Variants in ANKRD45 observed in about 807,000 individuals in gnomAD.
ANKRD45 encodes ankyrin repeat domain 45.
Under a neutral mutation model 28.1 loss-of-function variants are expected in ANKRD45, and 21 were observed. The observed-to-expected ratio is 0.75, with a 90% CI of 0.53 to 1.08. The LOEUF is 1.08. ANKRD45 is among the 50% of genes least tolerant of loss of function. ANKRD45 has a pLI of 0.00. For missense variants in ANKRD45, 261 were observed against 308.7 expected, an observed-to-expected ratio of 0.85 and a Z score of 1.16; for synonymous variants, 86 against 103.9, an observed-to-expected ratio of 0.83 and a Z score of 1.05.
chr1:173,697,279 G>A, the ANKRD45 span, among the ~76,000 whole-genome samples: 2 of 152,146 alleles, frequency 1.3e-5, no homozygotes, highest in Admixed American at 6.5e-5. Flanking sequence ...AACCTAGCAA[G>A]GCAGGCCAAC....
chr1:173,623,310 G>GAA (rs1219913580), intron 5 of ANKRD45, among the ~76,000 whole-genome samples: 3 of 110,406 alleles, frequency 2.7e-5, no homozygotes, highest in Non-Finnish European at 3.8e-5. Flanking sequence ...ACTCCGCCTC[G>GAA]AAAAAAAAAA....
the ANKRD45 span, among the ~76,000 whole-genome samples, chr1:173,700,618 T>C: frequency 6.6e-6 from 1 of 152,214 alleles, no homozygotes; most frequent in South Asian, 2.1e-4. Flanking sequence ...TGGCTAGCCA[T>C]ATGTAGAAAC....
chr1:173,675,333 C>A, the ANKRD45 span: 1 of 351,864 alleles, frequency 2.8e-6, no homozygotes, highest in South Asian at 2.0e-5. Flanking sequence ...AGAATTCAGG[C>A]CAGTCACGGT....
chr1:173,686,218 C>T, the ANKRD45 span, among the ~76,000 whole-genome samples: 1 of 152,098 alleles, frequency 6.6e-6, no homozygotes, highest in Admixed American at 6.6e-5. Context: ...ACATTAAATG[C>T]AATAGTTCGA....
At chr1:173,713,204 G>C in the ANKRD45 span, among the ~76,000 whole-genome samples, 2 of 152,102 alleles carry the variant, frequency 1.3e-5, no homozygotes, top group African/African-American at 4.8e-5. Flanking sequence ...TACAGGTCTA[G>C]GATTTGTACC....
intron 3 of ANKRD45, among the ~76,000 whole-genome samples, chr1:173,638,841 C>A (rs1668577262): frequency 6.6e-6 from 1 of 151,952 alleles, no homozygotes. Flanking sequence ...GGCAGGAGAC[C>A]CAAATTTAAA....
Position 173,647,013 on chromosome 1 carries a change from C to T in ANKRD45, c.329G>A (p.Gly110Glu), listed in dbSNP as rs1355467166. The T allele has an allele frequency of 6.2e-7, 1 of 1,611,918 alleles. No individual in the cohort carries two copies. Among genetic ancestry groups the T allele is most frequent in the Admixed American group, 1.7e-5 (1 of 59,808 alleles). ...TGCAGCACAATGTAAGAGTGTGTAC[C>T]CTAACAAATGGAATGAAGATGGTGA... ...GVNLNEKTTR[G>E]YTLLHCAAAW... Residue 110 changes from glycine to glutamate, a missense_variant and splice_region_variant, in exon 3 of 6, where the codon GGG becomes GAG. Physicochemically the swap from Gly to Glu is moderately conservative, Grantham distance 98 (BLOSUM62 -2). Coordinates refer to ENST00000333279, the MANE Select transcript of ANKRD45 (RefSeq NM_198493.3).
intron 1 of ANKRD45, among the ~76,000 whole-genome samples, chr1:173,659,808 G>A (rs1404011109): frequency 6.6e-6 from 1 of 152,062 alleles, no homozygotes; most frequent in Non-Finnish European, 1.5e-5. Flanking sequence ...AAATATAATT[G>A]GGTTACTGGA....
At chr1:173,648,036 G>A (rs1162246970) in intron 2 of ANKRD45, among the ~76,000 whole-genome samples, 3 of 151,940 alleles carry the variant, frequency 2.0e-5, no homozygotes, top group Non-Finnish European at 2.9e-5. Flanking sequence ...TCCGTGTCCC[G>A]GGTTCAAGCT....
At chr1:173,613,831 G>A (rs1266792937) in intron 5 of ANKRD45, among the ~76,000 whole-genome samples, 1 of 152,224 alleles carries the variant, frequency 6.6e-6, no homozygotes, top group African/African-American at 2.4e-5. Flanking sequence ...ATAGAAAAGG[G>A]GGAAAGGTGG....
At chr1:173,630,363 A>C (rs1668133794) in intron 3 of ANKRD45, among the ~76,000 whole-genome samples, 1 of 152,214 alleles carries the variant, frequency 6.6e-6, no homozygotes, top group South Asian at 2.1e-4. Flanking sequence ...TTCAAGACAT[A>C]GGCGGTACAA....
intron 5 of ANKRD45, among the ~76,000 whole-genome samples, chr1:173,619,340 T>C (rs1279409468): frequency 2.6e-5 from 4 of 152,012 alleles, no homozygotes; most frequent in Non-Finnish European, 2.9e-5. Context: ...AGACACAGAA[T>C]GGCAAGCTGG....
chr1:173,690,115 C>T, the ANKRD45 span, among the ~76,000 whole-genome samples: 13 of 124,644 alleles, frequency 1.0e-4, no homozygotes, highest in East Asian at 1.1e-3. Flanking sequence ...GGAAGAGGGT[C>T]GGGGCTGACC....
chr1:173,700,786 C>A, the ANKRD45 span, among the ~76,000 whole-genome samples: 4 of 152,082 alleles, frequency 2.6e-5, no homozygotes, highest in African/African-American at 4.8e-5. Context: ...ACTAAAACAC[C>A]AAAAGCAATG....
At chr1:173,639,041 A>C (rs1668589671) in intron 3 of ANKRD45, among the ~76,000 whole-genome samples, 1 of 152,218 alleles carries the variant, frequency 6.6e-6, no homozygotes, top group Non-Finnish European at 1.5e-5. Context: ...AAGACTGCCC[A>C]ATAATTAGTC....
At chr1:173,643,276 C>T (rs149624691) in intron 3 of ANKRD45, among the ~76,000 whole-genome samples, 3,873 of 150,472 alleles carry the variant, frequency 0.026, 79 homozygotes, top group African/African-American at 0.044. Context: ...CTGGTTCAAG[C>T]GATTCTCCTG....
intron 2 of ANKRD45, among the ~76,000 whole-genome samples, chr1:173,647,811 G>A (rs1669005487): frequency 8.7e-6 from 1 of 115,100 alleles, no homozygotes; most frequent in Non-Finnish European, 1.5e-5. Flanking sequence ...TTTTCAGACA[G>A]GTCTCACTCT....
upstream of ANKRD45, among the ~76,000 whole-genome samples, chr1:173,672,463 TTC>T (rs777655936): frequency 2.6e-5 from 4 of 152,216 alleles, no homozygotes; most frequent in Admixed American, 1.3e-4. Context: ...CTGTACATGA[TTC>T]TGTTTTTCAT....
At chr1:173,678,753 AG>A in the ANKRD45 span, among the ~76,000 whole-genome samples, 2 of 152,220 alleles carry the variant, frequency 1.3e-5, no homozygotes, top group Admixed American at 1.3e-4. Context: ...TTAGAAAAAG[AG>A]GGAGTCAAAT....
Sources: allele counts gnomAD v4.1 joint callset (sites outside exome capture counted in the v4.1 genomes callset), GRCh38; gene constraint gnomAD v4.1.1; transcripts MANE v1.5; gene names NCBI Gene and HGNC (gene_info 2026-07-23, HGNC 2026-07-21).